DLG2: variants seen among roughly 807,000 people sequenced by gnomAD.
DLG2 encodes disks large homolog 2.
DLG2 carries 45 observed loss-of-function variants against 132.5 expected under a neutral mutation model. The observed-to-expected ratio is 0.34, with a 90% CI of 0.27 to 0.44. The LOEUF (loss-of-function observed/expected upper bound fraction) is 0.44, where lower values mean the gene tolerates loss of function less well. Ranked by LOEUF, DLG2 falls within the 20% of genes least tolerant of loss-of-function variation. The pLI is 1.00. For synonymous variants in DLG2, 424 were observed against 419.6 expected, an observed-to-expected ratio of 1.01 and a Z score of -0.13; for missense variants, 1,045 against 1,196.9, an observed-to-expected ratio of 0.87 and a Z score of 1.87.
At chr11:83,600,035 G>A (rs2058268220) in intron 19 of DLG2, among the ~76,000 whole-genome samples, 1 of 152,146 alleles carries the variant, frequency 6.6e-6, no homozygotes, top group African/African-American at 2.4e-5. Flanking sequence ...TGATGTGATT[G>A]ACATTTATTG....
At chr11:84,842,204 A>C (rs556122308) in intron 6 of DLG2, among the ~76,000 whole-genome samples, 1 of 152,088 alleles carries the variant, frequency 6.6e-6, no homozygotes, top group East Asian at 1.9e-4. Context: ...AAAGACACTA[A>C]CCAGGTTTCT....
At chr11:84,725,720 G>T (rs1268581354) in intron 6 of DLG2, among the ~76,000 whole-genome samples, 2 of 152,070 alleles carry the variant, frequency 1.3e-5, no homozygotes, top group African/African-American at 2.4e-5. Flanking sequence ...CCGTAAAATG[G>T]TGATAATACT....
intron 6 of DLG2, among the ~76,000 whole-genome samples, chr11:84,673,736 G>T (rs1040427582): frequency 6.6e-6 from 1 of 151,902 alleles, no homozygotes; most frequent in Non-Finnish European, 1.5e-5. Context: ...AATGAATTAG[G>T]TACATTTCAA....
chr11:84,786,822 C>T (rs1477440212), intron 6 of DLG2, among the ~76,000 whole-genome samples: 1 of 152,122 alleles, frequency 6.6e-6, no homozygotes, highest in Non-Finnish European at 1.5e-5. Context: ...TCTGTGACAC[C>T]ACCACCCTAT....
At chr11:84,633,379 T>A (rs868143661) in intron 6 of DLG2, among the ~76,000 whole-genome samples, 8 of 152,264 alleles carry the variant, frequency 5.3e-5, no homozygotes, top group Admixed American at 3.9e-4. Flanking sequence ...TGTTTCCTCT[T>A]ACTGTGATAT....
chr11:84,798,827 G>T (rs2075013193), intron 6 of DLG2, among the ~76,000 whole-genome samples: 1 of 152,178 alleles, frequency 6.6e-6, no homozygotes, highest in African/African-American at 2.4e-5. Flanking sequence ...TTCAAGGCAG[G>T]TGGGTTCCCT....
intron 3 of DLG2, among the ~76,000 whole-genome samples, chr11:85,373,938 G>T (rs1197499763): frequency 6.6e-6 from 1 of 152,128 alleles, no homozygotes; most frequent in Non-Finnish European, 1.5e-5. Context: ...ATCAGTGGAG[G>T]ATATTATGAT....
chr11:84,170,271 C>A (rs2095791095), intron 8 of DLG2, among the ~76,000 whole-genome samples: 1 of 152,084 alleles, frequency 6.6e-6, no homozygotes, highest in Admixed American at 6.6e-5. Context: ...GAAATTTTTG[C>A]AAATTTTAAA....
At chr11:85,108,005 T>C (rs200514527) in intron 6 of DLG2, among the ~76,000 whole-genome samples, 4 of 21,012 alleles carry the variant, frequency 1.9e-4, no homozygotes, top group African/African-American at 3.9e-4. Context: ...AACAAACAAA[T>C]AAACACACAC....
intron 19 of DLG2, among the ~76,000 whole-genome samples, chr11:83,567,694 C>A (rs1352537904): frequency 6.6e-6 from 1 of 152,074 alleles, no homozygotes; most frequent in Non-Finnish European, 1.5e-5. Flanking sequence ...TCCTTCAGGA[C>A]CTGGAGCACA....
At chr11:85,555,423 A>G (rs1341323906) in intron 3 of DLG2, among the ~76,000 whole-genome samples, 1 of 151,856 alleles carries the variant, frequency 6.6e-6, no homozygotes, top group Non-Finnish European at 1.5e-5. Flanking sequence ...TGACCTTCAC[A>G]TTGTTGAGGT....
intron 11 of DLG2, 53 bp downstream of exon 11, chr11:84,059,262 T>G: frequency 6.4e-7 from 1 of 1,566,146 alleles, no homozygotes; most frequent in Non-Finnish European, 8.8e-7. Flanking sequence ...TGGCATAAAC[T>G]TCAGTCAGAT....
At chr11:84,805,784 G>A (rs995199386) in intron 6 of DLG2, among the ~76,000 whole-genome samples, 1 of 152,048 alleles carries the variant, frequency 6.6e-6, no homozygotes, top group Non-Finnish European at 1.5e-5. Context: ...GCAGAACCAT[G>A]AGACATTCAA....
At chr11:85,438,987 G>A (rs1470247235) in intron 3 of DLG2, among the ~76,000 whole-genome samples, 2 of 152,072 alleles carry the variant, frequency 1.3e-5, no homozygotes, top group Non-Finnish European at 2.9e-5. Flanking sequence ...ATAATTCCCT[G>A]AAGAGTCATC....
Position 83,975,343 on chromosome 11 carries a change from T to C in DLG2, c.1056+5163A>G, listed in dbSNP as rs574589425. 1.4e-4 allele frequency among the ~76,000 whole-genome samples: 22 copies of C among 152,136 alleles called. 1 individual carries two copies. Among genetic ancestry groups the C allele is most frequent in the Admixed American group, 3.3e-4 (5 of 15,244 alleles). On this transcript the variant is annotated intron_variant, in intron 12 of 27. Transcript: ENST00000376104. ...CCACAAAATCCAATGTCACTGTCACTTTACCATTTAAAAAACAAAACAAAA... is the reference window on the plus strand; with the variant it reads ...CCACAAAATCCAATGTCACTGTCACCTTACCATTTAAAAAACAAAACAAAA...
intron 6 of DLG2, among the ~76,000 whole-genome samples, chr11:84,886,744 T>C (rs1321885608): frequency 6.6e-6 from 1 of 152,162 alleles, no homozygotes; most frequent in Non-Finnish European, 1.5e-5. Flanking sequence ...GGTGAGGACA[T>C]GAAGAATGTT....
At chr11:84,079,261 G>A (rs914019291) in intron 10 of DLG2, among the ~76,000 whole-genome samples, 4 of 147,536 alleles carry the variant, frequency 2.7e-5, no homozygotes, top group Non-Finnish European at 4.5e-5. Context: ...TACTATAATA[G>A]CTTCTATTTT....
chr11:84,935,750 G>A (rs59446617), intron 6 of DLG2, among the ~76,000 whole-genome samples: 21,133 of 152,030 alleles, frequency 0.14, 1,694 homozygotes, highest in Non-Finnish European at 0.14. Flanking sequence ...AGCCCAAAAC[G>A]TCACTAATGC....
At chr11:85,085,610 T>G (rs1298579482) in intron 6 of DLG2, among the ~76,000 whole-genome samples, 1 of 152,142 alleles carries the variant, frequency 6.6e-6, no homozygotes, top group African/African-American at 2.4e-5. Flanking sequence ...AGAAAAGAAC[T>G]AGACTAAGAC....
Sources: gnomAD v4.1 joint callset for allele counts (sites outside exome capture counted in the v4.1 genomes callset) on GRCh38, gnomAD v4.1.1 for gene constraint, MANE v1.5 for transcripts, NCBI Gene and HGNC (gene_info 2026-07-23, HGNC 2026-07-21) for gene names.